FER: variants seen among roughly 807,000 people sequenced by gnomAD.
The protein encoded by FER is tyrosine-protein kinase Fer.
FER carries 63 observed loss-of-function variants against 111.0 expected under a neutral mutation model. That is an observed-to-expected ratio of 0.57 (90% confidence interval 0.46 to 0.70). FER has a LOEUF of 0.70. Among genes scored for constraint, FER ranks in the 30% least tolerant of loss-of-function variants. The pLI is 0.00. For synonymous variants in FER, 327 were observed against 313.9 expected (o/e 1.04, Z -0.44); for missense variants, 914 against 954.0 (o/e 0.96, Z 0.55).
At chr5:109,062,614 G>C (rs1313123402) in intron 16 of FER, among the ~76,000 whole-genome samples, 1 of 152,036 alleles carries the variant, frequency 6.6e-6, no homozygotes, top group Non-Finnish European at 1.5e-5. Flanking sequence ...TCATATATGT[G>C]ATTAAATTAA....
At chr5:108,965,858 A>G (rs1178469861) in intron 13 of FER, among the ~76,000 whole-genome samples, 1 of 152,174 alleles carries the variant, frequency 6.6e-6, no homozygotes, top group Non-Finnish European at 1.5e-5. Flanking sequence ...TAAGGGAAAT[A>G]CAGGGTGATA....
chr5:108,902,110 A>G (rs1750114995), intron 10 of FER, among the ~76,000 whole-genome samples: 1 of 152,188 alleles, frequency 6.6e-6, no homozygotes, highest in Non-Finnish European at 1.5e-5. Flanking sequence ...CTTTTCTGTT[A>G]TACCATCAAG....
At chr5:109,157,516 G>T (rs1390495440) in intron 17 of FER, among the ~76,000 whole-genome samples, 2 of 147,756 alleles carry the variant, frequency 1.4e-5, no homozygotes, top group African/African-American at 2.5e-5. Flanking sequence ...GATGAGTTCT[G>T]TTTTTTTTTT....
At position 109,088,260 on chromosome 5, in the gene FER, A is replaced by G. The variant is rs1028698775; in HGVS notation, c.1925-12136A>G. ...AACCTAGGCTGAACTTAACAGTTAT[A>G]TCTCCTAGGCTTATCATTTGGACCA... On this transcript the variant is annotated intron_variant, in intron 16 of 19. Coordinates refer to ENST00000281092, the MANE Select transcript of FER (RefSeq NM_005246.4). Among the ~76,000 whole-genome samples the G allele has an allele frequency of 2.6e-5, 4 of 152,180 alleles. No homozygotes were observed. In the East Asian group the frequency reaches 7.7e-4, roughly 29 times the overall value.
chr5:109,025,833 G>T (rs1298826828), intron 13 of FER, among the ~76,000 whole-genome samples: 3 of 152,060 alleles, frequency 2.0e-5, no homozygotes, highest in Admixed American at 6.6e-5. Context: ...AGCATGAAGG[G>T]TTGTTGAATT....
chr5:108,856,674 A>G (rs1220266278), intron 5 of FER, among the ~76,000 whole-genome samples: 1 of 152,174 alleles, frequency 6.6e-6, no homozygotes, highest in African/African-American at 2.4e-5. Flanking sequence ...CATGGATTGT[A>G]GATAAACATT....
At chr5:109,017,175 T>C (rs866487755) in intron 13 of FER, among the ~76,000 whole-genome samples, 87 of 152,118 alleles carry the variant, frequency 5.7e-4, no homozygotes, top group African/African-American at 2.0e-3. Context: ...GAGACAGTTA[T>C]TTTATGTTGC....
At chr5:108,863,933 G>A (rs1041543539) in intron 5 of FER, among the ~76,000 whole-genome samples, 2 of 151,982 alleles carry the variant, frequency 1.3e-5, no homozygotes, top group Non-Finnish European at 2.9e-5. Context: ...TTTTCTTCAG[G>A]TGAGAACTAA....
At chr5:108,938,045 C>T (rs1230968217) in intron 10 of FER, among the ~76,000 whole-genome samples, 1 of 149,482 alleles carries the variant, frequency 6.7e-6, no homozygotes, top group African/African-American at 2.5e-5. Flanking sequence ...CACACACACA[C>T]ACACACACAC....
At chr5:108,921,308 TTGGTATGTATGAACTCATTTGATTA>T (rs1465512165) in intron 10 of FER, among the ~76,000 whole-genome samples, 2 of 152,182 alleles carry the variant, frequency 1.3e-5, no homozygotes, top group African/African-American at 4.8e-5. Flanking sequence ...TATATGTACT[TTGGTATGTATGAACTCATTTGATTA>T]TGGTATGTAT....
intron 13 of FER, among the ~76,000 whole-genome samples, chr5:109,006,039 A>C (rs955709801): frequency 2.0e-5 from 3 of 152,214 alleles, no homozygotes; most frequent in Non-Finnish European, 4.4e-5. Context: ...GGAACATATC[A>C]TGATTTTGTT....
At chr5:109,106,708 T>C (rs2150078939) in intron 17 of FER, among the ~76,000 whole-genome samples, 1 of 152,322 alleles carries the variant, frequency 6.6e-6, no homozygotes, top group East Asian at 1.9e-4. Flanking sequence ...TAAAAATTTT[T>C]TATCCTACTG....
chr5:108,925,544 C>T (rs1050339746), intron 10 of FER, among the ~76,000 whole-genome samples: 5 of 151,990 alleles, frequency 3.3e-5, no homozygotes, highest in African/African-American at 9.7e-5. Context: ...GACTTAATTG[C>T]CTGCATTCTC....
chr5:108,994,136 CAT>C (rs1197748664), intron 13 of FER, among the ~76,000 whole-genome samples: 2 of 152,102 alleles, frequency 1.3e-5, no homozygotes, highest in Admixed American at 6.5e-5. Flanking sequence ...AATTAGATCC[CAT>C]ATGTCAGTTT....
At chr5:108,888,191 T>G (rs114601423) in intron 9 of FER, among the ~76,000 whole-genome samples, 4,363 of 151,858 alleles carry the variant, frequency 0.029, 80 homozygotes, top group African/African-American at 0.052. Flanking sequence ...GAACCTTACA[T>G]TTTTTTCCTT....
At chr5:109,125,738 C>G (rs1751631369) in intron 17 of FER, among the ~76,000 whole-genome samples, 1 of 152,102 alleles carries the variant, frequency 6.6e-6, no homozygotes. Flanking sequence ...TCATATAGTC[C>G]TTCTAAAAAC....
chr5:109,172,414 C>A (rs1757214660), intron 17 of FER, among the ~76,000 whole-genome samples: 1 of 139,724 alleles, frequency 7.2e-6, no homozygotes, highest in South Asian at 2.2e-4. Flanking sequence ...TGTTCTCACT[C>A]ATAGGTGGGA....
At chr5:108,807,126 G>A (rs1379332557) in intron 3 of FER, among the ~76,000 whole-genome samples, 1 of 152,106 alleles carries the variant, frequency 6.6e-6, no homozygotes, top group Non-Finnish European at 1.5e-5. Flanking sequence ...GAGATCTGAT[G>A]GCTTTAAAAA....
At chr5:109,086,386 AT>A in intron 16 of FER, among the ~76,000 whole-genome samples, 1 of 151,540 alleles carries the variant, frequency 6.6e-6, no homozygotes, top group Admixed American at 6.6e-5. Context: ...TTCAATTCTG[AT>A]ATTTGTAAAT....
Sources: gnomAD v4.1 joint callset for allele counts (sites outside exome capture counted in the v4.1 genomes callset) on GRCh38, gnomAD v4.1.1 for gene constraint, MANE v1.5 for transcripts, NCBI Gene and HGNC (gene_info 2026-07-23, HGNC 2026-07-21) for gene names.